The following ATP7B variants were observed in gnomAD, a reference collection of about 807,000 sequenced individuals.
The protein encoded by ATP7B is copper-transporting ATPase 2.
Under a neutral mutation model 118.9 loss-of-function variants are expected in ATP7B, and 113 were observed. The ratio of observed to expected loss-of-function variants is 0.95; its 90% CI spans 0.82 to 1.11. ATP7B has a LOEUF of 1.11. Among genes scored for constraint, ATP7B ranks in the 50% most tolerant of loss-of-function variants. ATP7B has a pLI of 0.00. For synonymous variants in ATP7B, 777 were observed against 727.4 expected, an observed-to-expected ratio of 1.07 and a Z score of -1.10; for missense variants, 1,867 against 1,871.4, an observed-to-expected ratio of 1.00 and a Z score of 0.04.
intron 13 of ATP7B, among the ~76,000 whole-genome samples, chr13:51,945,073 G>A (rs9568677): frequency 0.41 from 60,013 of 147,728 alleles, 12,439 homozygotes; most frequent in Middle Eastern, 0.48. Flanking sequence ...GATGCTGAGC[G>A]GTGGCCTTCC....
chr13:51,992,473 C>T lies in ATP7B; in HGVS notation c.52-17305G>A, dbSNP rs774418124. Among the ~76,000 whole-genome samples, 12 of 152,234 alleles carry T rather than the reference C, an allele frequency of 7.9e-5. 1 individual carries two copies. Among genetic ancestry groups the T allele is most frequent in the South Asian group, 6.2e-4 (3 of 4,824 alleles). On this transcript the variant is annotated intron_variant, in intron 1 of 20. Transcript: ENST00000242839. ...TAAAGTTGTTAAAATGATTAAGTGA[C>T]AAGAGTAAGGTTCCTACCATATACC...
intron 16 of ATP7B, 138 bp downstream of exon 16, chr13:51,940,943 C>T (rs2138767549): frequency 1.5e-6 from 2 of 1,317,242 alleles, no homozygotes; most frequent in South Asian, 2.5e-5. Context: ...AGACAATCTT[C>T]TGGAAAACAG....
chr13:51,955,634 T>G (rs1958288177), intron 9 of ATP7B, among the ~76,000 whole-genome samples: 1 of 152,158 alleles, frequency 6.6e-6, no homozygotes, highest in Admixed American at 6.5e-5. Flanking sequence ...CTGCAGTCAG[T>G]GCCATCAGAG....
chr13:51,952,205 G>A (rs570110482), intron 9 of ATP7B, among the ~76,000 whole-genome samples: 13 of 152,320 alleles, frequency 8.5e-5, no homozygotes, highest in African/African-American at 2.4e-4. Flanking sequence ...AGGAGAAGAC[G>A]GCAGGAACAG....
intron 16 of ATP7B, 52 bp downstream of exon 16, chr13:51,941,029 G>A (rs1957298095): frequency 1.2e-6 from 2 of 1,610,974 alleles, no homozygotes; most frequent in African/African-American, 1.3e-5. Flanking sequence ...CCTGATATCT[G>A]CAGAAAACTG....
chr13:51,990,942 G>A (rs1188247631), intron 1 of ATP7B, among the ~76,000 whole-genome samples: 1 of 152,164 alleles, frequency 6.6e-6, no homozygotes. Flanking sequence ...ACAAATATTA[G>A]TTGGGCGTGG....
chr13:51,999,665 G>T (rs1953394059), intron 1 of ATP7B, among the ~76,000 whole-genome samples: 1 of 152,004 alleles, frequency 6.6e-6, no homozygotes. Flanking sequence ...CTCCAACACG[G>T]CTTTACTCTC....
Position 51,963,735 on chromosome 13 carries a change from T to A in ATP7B, c.1869+1137A>T, listed in dbSNP as rs1593747112. 1.6e-4 allele frequency among the ~76,000 whole-genome samples: 7 copies of A among 44,336 alleles called. No homozygotes were observed. In the South Asian group the frequency reaches 2.4e-3, roughly 15 times the overall value. The allele number at this position is 44,336 out of a possible 152,430, so 29.1% of individuals were successfully genotyped here. ...TGGGGGACAAGAGCGAGACCACGTC[T>A]CAAAAAAAAAAAAAAAAAAAAAAAC... On this transcript the variant is annotated intron_variant, in intron 5 of 20. Transcript: ENST00000242839.
chr13:51,939,112 C>T lies in ATP7B; in HGVS notation c.3638G>A (p.Gly1213Asp). The T allele has an allele frequency of 7.4e-6, 12 of 1,614,242 alleles. No individual in the cohort carries two copies. Among genetic ancestry groups the T allele is most frequent in the Non-Finnish European group, 1.0e-5 (12 of 1,180,038 alleles). The change falls in exon 17 of 21, where the codon GGT becomes GAT. Residue 1213 changes from glycine (G) to aspartate (D), a missense_variant. Physicochemically the swap from Gly to Asp is moderately conservative, Grantham distance 94 (BLOSUM62 -1). Coordinates refer to ENST00000242839, the MANE Select transcript of ATP7B (RefSeq NM_000053.4). ...ALAVHTLQSM[G>D]VDVVLITGDN... ...CCCCGTGATCAGAACCACGTCCACA[C>T]CCATGCTCTGCAGCGTGTGCACAGC... is the stretch of plus-strand genomic sequence containing the variant.
chr13:51,976,942 C>T (rs181370827), intron 1 of ATP7B, among the ~76,000 whole-genome samples: 13 of 151,866 alleles, frequency 8.6e-5, no homozygotes, highest in Non-Finnish European at 1.8e-4. Context: ...GCACTACTGT[C>T]GATTTTATAA....
Position 51,998,717 on chromosome 13 carries a change from T to C in ATP7B, c.51+12570A>G, listed in dbSNP as rs1953339140. ...TGGATTTTTCCTGTATAAAAATAAA[T>C]ATCTCTTTGGTGTCCTAAACAATCT... is the stretch of plus-strand genomic sequence containing the variant. On this transcript the variant is annotated intron_variant, in intron 1 of 20. Transcript: ENST00000242839. Among the ~76,000 whole-genome samples the C allele has an allele frequency of 1.3e-5, 2 of 152,222 alleles. 1 individual carries two copies. The highest frequency in any genetic ancestry group is 1.3e-4 in the Admixed American group (2 of 15,288).
At chr13:52,004,786 T>C (rs1034067709) in intron 1 of ATP7B, among the ~76,000 whole-genome samples, 5 of 152,170 alleles carry the variant, frequency 3.3e-5, no homozygotes, top group Non-Finnish European at 5.9e-5. Context: ...GGTACTGCCC[T>C]AGTGGGGGCA....
chr13:51,946,405 C>T lies in ATP7B; in HGVS notation c.2939G>A (p.Cys980Tyr), dbSNP rs1038582488. ...CCCCAGGGAGCAGGGGCAGGCAATG[C>T]ACAGCACCGTGATGGACGTCTGGAA... Reference protein sequence around the residue: ...FAFQTSITVLCIACPCSLGLA... With the variant: ...FAFQTSITVLYIACPCSLGLA... Residue 980 changes from cysteine (C) to tyrosine (Y), a missense_variant, in exon 13 of 21, where the codon TGC (cysteine) becomes TAC (tyrosine). Cys to Tyr is a radical substitution (Grantham distance 194). Coordinates refer to ENST00000242839, the MANE Select transcript of ATP7B (RefSeq NM_000053.4). 23 of 1,614,028 alleles carry T rather than the reference C, an allele frequency of 1.4e-5. No homozygotes were observed. The highest frequency in any genetic ancestry group is 1.9e-5 in the Non-Finnish European group (22 of 1,180,056).
Position 51,968,547 on chromosome 13 carries a change from T to C in ATP7B, c.1604A>G (p.Glu535Gly), listed in dbSNP as rs756795986. Reference protein sequence around the residue: ...AGKAEIKYDPEVIQPLEIAQF... With the variant: ...AGKAEIKYDPGVIQPLEIAQF... The stretch of plus-strand genomic sequence containing the variant: ...AGCTATCTCGAGGGGCTGGATGACC[T>C]CTGGGTCATACTTGATCTCTGCCTT... The change falls in exon 4 of 21, where the codon GAG (glutamate) becomes GGG (glycine). Residue 535 changes from glutamate to glycine, a missense_variant. By Grantham distance (98) the Glu-to-Gly change is moderately conservative. Transcript: ENST00000242839. The C allele has an allele frequency of 2.5e-6, 4 of 1,614,144 alleles. No homozygotes were observed. Among genetic ancestry groups the C allele is most frequent in the East Asian group, 4.5e-5 (2 of 44,876 alleles).
In ATP7B at chr13:51,934,756, T is replaced by C. The variant is rs781674144; in HGVS notation, c.4398A>G (p.Ter1466TrpextTer1). ...LNGRDEEQYI* is the reference protein window; with the variant it reads ...LNGRDEEQYIW ...GCCCCGGCCCGCCTGCCTGAAGTCA[T>C]CAGATGTACTGCTCCTCATCCCTGC... The change falls in exon 21 of 21, where the codon TGA becomes TGG. Residue 1466 changes from the stop codon to tryptophan (W), a stop_lost. Transcript: ENST00000242839. 3.1e-6 allele frequency: 5 copies of C among 1,613,528 alleles called. No homozygotes were observed. In the South Asian group the frequency reaches 5.5e-5, roughly 18 times the overall value.
intron 1 of ATP7B, among the ~76,000 whole-genome samples, chr13:51,977,408 T>A (rs961308240): frequency 7.2e-5 from 11 of 152,046 alleles, no homozygotes; most frequent in African/African-American, 2.7e-4. Context: ...ACACATACAT[T>A]AGCCTCGGCC....
chr13:51,935,567 C>T, intron 20 of ATP7B, 26 bp downstream of exon 20: 1 of 1,602,356 alleles, frequency 6.2e-7, no homozygotes, highest in Non-Finnish European at 8.5e-7. Flanking sequence ...GAGCCTCCCA[C>T]AGATGCTCCA....
Position 51,933,611 on chromosome 13 carries a change from C to T in ATP7B, c.*1145G>A, listed in dbSNP as rs1414179032. 2 of 152,186 alleles carry T rather than the reference C, an allele frequency of 1.3e-5. No individual in the cohort carries two copies. Among genetic ancestry groups the T allele is most frequent in the East Asian group, 3.8e-4 (2 of 5,198 alleles). The allele number at this position is 152,186 out of a possible 1,614,324, so 9.4% of individuals were successfully genotyped here. A position where few individuals can be genotyped will look rare whatever the true frequency, so the allele number is the denominator to read the frequency against. ...GATGCTCCCTTCGGGGTGCTGTGGC[C>T]ACTCCTTTTCTGAAGCCCCTGGGCA... On this transcript the variant is annotated 3_prime_UTR_variant, in exon 21 of 21. Coordinates refer to ENST00000242839, the MANE Select transcript of ATP7B (RefSeq NM_000053.4).
chr13:51,986,942 A>T (rs1952677205), intron 1 of ATP7B, among the ~76,000 whole-genome samples: 1 of 152,206 alleles, frequency 6.6e-6, no homozygotes, highest in Non-Finnish European at 1.5e-5. Flanking sequence ...GCTATTTATG[A>T]CAAACCCAGA....
Sources: allele counts gnomAD v4.1 joint callset (sites outside exome capture counted in the v4.1 genomes callset), GRCh38; gene constraint gnomAD v4.1.1; transcripts MANE v1.5; gene names NCBI Gene and HGNC (gene_info 2026-07-23, HGNC 2026-07-21).